The following DCC variants were observed in gnomAD, a reference collection of about 807,000 sequenced individuals.
The protein encoded by DCC is netrin receptor DCC.
A neutral mutation model predicts 172.5 loss-of-function variants in DCC; 58 were observed. That is an observed-to-expected ratio of 0.34 (90% CI 0.27 to 0.42). DCC has a LOEUF of 0.42. Ranked by LOEUF, DCC falls within the 10% of genes least tolerant of loss-of-function variation. The pLI, the probability that DCC is intolerant of heterozygous loss-of-function variation, is 1.00. For missense variants in DCC, 1,740 were observed against 1,791.0 expected, an observed-to-expected ratio of 0.97 and a Z score of 0.51; for synonymous variants, 709 against 644.5, an observed-to-expected ratio of 1.10 and a Z score of -1.52.
intron 1 of DCC, among the ~76,000 whole-genome samples, chr18:52,442,815 C>T (rs536850927): frequency 1.3e-5 from 2 of 152,152 alleles, no homozygotes; most frequent in Non-Finnish European, 2.9e-5. Context: ...TGCAGAGCTC[C>T]GCCATTACCT....
intron 2 of DCC, among the ~76,000 whole-genome samples, chr18:52,779,899 G>A (rs375622784): frequency 2.4e-4 from 36 of 152,230 alleles, no homozygotes; most frequent in African/African-American, 7.2e-4. Context: ...TTTCTCTAAT[G>A]GCATGTCCAT....
intron 13 of DCC, among the ~76,000 whole-genome samples, chr18:53,313,400 C>A (rs2057306315): frequency 1.3e-5 from 2 of 152,012 alleles, no homozygotes; most frequent in South Asian, 4.1e-4. Context: ...CGTGCGTCAC[C>A]ACGTCAGGCT....
intron 1 of DCC, among the ~76,000 whole-genome samples, chr18:52,390,955 A>C: frequency 6.6e-6 from 1 of 152,094 alleles, no homozygotes; most frequent in East Asian, 1.9e-4. Context: ...CATTACCAAA[A>C]GTCTTATCAT....
At chr18:52,412,078 TTAATA>T (rs1986863061) in intron 1 of DCC, among the ~76,000 whole-genome samples, 1 of 152,138 alleles carries the variant, frequency 6.6e-6, no homozygotes, top group Non-Finnish European at 1.5e-5. Context: ...TCTTTTACCA[TTAATA>T]TAATAGCACT....
At chr18:52,950,706 C>T (rs150111477) in intron 5 of DCC, among the ~76,000 whole-genome samples, 4 of 151,764 alleles carry the variant, frequency 2.6e-5, no homozygotes, top group Admixed American at 6.6e-5. Context: ...GGGTGGATCA[C>T]GAGGTCAGGA....
intron 19 of DCC, among the ~76,000 whole-genome samples, chr18:53,408,531 C>T (rs1909805656): frequency 6.6e-6 from 1 of 152,108 alleles, no homozygotes; most frequent in Non-Finnish European, 1.5e-5. Flanking sequence ...TTATGTAACA[C>T]AATTGTGAAA....
In DCC at chr18:53,501,930, A is replaced by G. The variant is rs148488727; in HGVS notation, c.4111+2420A>G. On this transcript the variant is annotated intron_variant, in intron 27 of 28. Transcript: ENST00000442544. ...TAATGCCAAAGCTGCCTAAAACAAA[A>G]TCTGATACAATGCAGTATAAGTGGA... 1.1e-3 allele frequency among the ~76,000 whole-genome samples: 166 copies of G among 152,330 alleles called. 1 individual carries two copies. The highest frequency in any genetic ancestry group is 3.8e-3 in the African/African-American group (158 of 41,576).
chr18:52,725,245 G>A (rs1208814309), intron 1 of DCC, among the ~76,000 whole-genome samples: 2 of 152,124 alleles, frequency 1.3e-5, no homozygotes, highest in Non-Finnish European at 2.9e-5. Context: ...TGTGTGCCAG[G>A]GTCAGAGCAC....
chr18:53,159,815 G>A (rs534291592), intron 8 of DCC, among the ~76,000 whole-genome samples: 2 of 152,118 alleles, frequency 1.3e-5, no homozygotes, highest in East Asian at 1.9e-4. Context: ...TATTAAATAC[G>A]AATAATACTT....
intron 1 of DCC, among the ~76,000 whole-genome samples, chr18:52,404,806 T>A (rs1598790701): frequency 1.0e-5 from 1 of 95,312 alleles, no homozygotes. Flanking sequence ...ATGCTATCCC[T>A]CCCCCCTCCC....
intron 2 of DCC, among the ~76,000 whole-genome samples, chr18:52,829,906 A>AT (rs2038582691): frequency 6.6e-6 from 1 of 152,176 alleles, no homozygotes; most frequent in South Asian, 2.1e-4. Flanking sequence ...AGGGATCTGC[A>AT]AAAGAAAATT....
rs1212187334 is a variant in DCC, at chr18:53,397,565, C to A, written c.2827+119C>A. Reference sequence around the variant, plus strand: ...ATACCTTATCCTATATAAAATAGTTCATCCTCTATAGTTCATAGCACTTTT... The same window carrying A: ...ATACCTTATCCTATATAAAATAGTTAATCCTCTATAGTTCATAGCACTTTT... On this transcript the variant is annotated intron_variant, in intron 18 of 28. Transcript: ENST00000442544. 5.7e-6 allele frequency: 6 copies of A among 1,057,976 alleles called. No homozygotes were observed. The East Asian group carries it at 1.5e-4, about 27-fold the overall frequency. The allele number at this position is 1,057,976 out of a possible 1,614,324, so 65.5% of individuals were successfully genotyped here.
chr18:52,631,467 A>G (rs2034674474), intron 1 of DCC, among the ~76,000 whole-genome samples: 1 of 152,216 alleles, frequency 6.6e-6, no homozygotes, highest in Admixed American at 6.5e-5. Context: ...TTTATACTCT[A>G]GTAAGGTACT....
intron 5 of DCC, among the ~76,000 whole-genome samples, chr18:53,055,061 T>C (rs2144051247): frequency 6.6e-6 from 1 of 152,236 alleles, no homozygotes; most frequent in East Asian, 1.9e-4. Context: ...AGATGACTGA[T>C]TGCCAAGGGA....
chr18:52,489,344 T>A (rs1467889197), intron 1 of DCC, among the ~76,000 whole-genome samples: 1 of 152,130 alleles, frequency 6.6e-6, no homozygotes, highest in African/African-American at 2.4e-5. Flanking sequence ...TGACCTCAGT[T>A]TTCTACAATT....
rs111954427 is a variant in DCC, at chr18:52,764,270, C to A, written c.412+11896C>A. Reference sequence around the variant, plus strand: ...TGATAAGAATAGTGACGAGTTGACACTGTTAATGAATAGCCATAGGCATTT... The same window carrying A: ...TGATAAGAATAGTGACGAGTTGACAATGTTAATGAATAGCCATAGGCATTT... On this transcript the variant is annotated intron_variant, in intron 2 of 28. Transcript: ENST00000442544. Among the ~76,000 whole-genome samples, 1,118 of 152,314 alleles carry A rather than the reference C, an allele frequency of 7.3e-3. 14 individuals carry two copies. The highest frequency in any genetic ancestry group is 0.025 in the African/African-American group (1,058 of 41,562).
At chr18:53,259,014 A>C (rs1163459375) in intron 12 of DCC, among the ~76,000 whole-genome samples, 4 of 152,128 alleles carry the variant, frequency 2.6e-5, no homozygotes, top group Non-Finnish European at 5.9e-5. Context: ...CTGTTTTATC[A>C]GAGACTAGGA....
rs887288961 is a variant in DCC at position 53,262,209 on chromosome 18, T to C, written c.1912-43369T>C. On this transcript the variant is annotated intron_variant, in intron 12 of 28. Transcript: ENST00000442544. ...AGTTGCTTTAGCCTACACACTACTC[T>C]ATCCTTCTGAGGCTATATCCCCACC... Among the ~76,000 whole-genome samples, 15 of 152,208 alleles carry C rather than the reference T, an allele frequency of 9.9e-5. 1 individual carries two copies. Among genetic ancestry groups the C allele is most frequent in the Non-Finnish European group, 8.8e-5 (6 of 68,036 alleles).
At chr18:52,664,472 T>TTC (rs1458432850) in intron 1 of DCC, among the ~76,000 whole-genome samples, 26 of 120,732 alleles carry the variant, frequency 2.2e-4, no homozygotes, top group African/African-American at 8.6e-4. Flanking sequence ...TTCTTTTTCT[T>TTC]TTTCTTTTTT....
Sources: allele counts gnomAD v4.1 joint callset (sites outside exome capture counted in the v4.1 genomes callset), GRCh38; gene constraint gnomAD v4.1.1; transcripts MANE v1.5; gene names NCBI Gene and HGNC (gene_info 2026-07-23, HGNC 2026-07-21).